The following TMEM132D variants were observed in gnomAD, a reference collection of about 807,000 sequenced individuals.
TMEM132D encodes the protein transmembrane protein 132D.
TMEM132D carries 21 observed loss-of-function variants against 62.3 expected under a neutral mutation model. The ratio of observed to expected loss-of-function variants is 0.34; its 90% CI spans 0.24 to 0.49. TMEM132D has a LOEUF of 0.49. Ranked by LOEUF, TMEM132D falls within the 20% of genes least tolerant of loss-of-function variation. The pLI is 0.99. For missense variants in TMEM132D, 1,346 were observed against 1,402.8 expected (o/e 0.96, Z 0.65); for synonymous variants, 621 against 575.6 (o/e 1.08, Z -1.13).
At chr12:129,642,788 T>C (rs1879673033) in intron 2 of TMEM132D, among the ~76,000 whole-genome samples, 1 of 152,168 alleles carries the variant, frequency 6.6e-6, no homozygotes, top group African/African-American at 2.4e-5. Flanking sequence ...AGAAAACTCT[T>C]CGCTTGGTGA....
At chr12:129,156,639 ATAAC>A (rs1877255039) in intron 5 of TMEM132D, among the ~76,000 whole-genome samples, 1 of 152,270 alleles carries the variant, frequency 6.6e-6, no homozygotes, top group East Asian at 1.9e-4. Flanking sequence ...CACTCTCATA[ATAAC>A]TAACTCACTC....
chr12:129,397,368 T>A (rs1338160660), intron 3 of TMEM132D, among the ~76,000 whole-genome samples: 1 of 152,178 alleles, frequency 6.6e-6, no homozygotes, highest in Non-Finnish European at 1.5e-5. Context: ...TTAGATTTAA[T>A]TGTGGTCTTG....
Position 129,872,882 on chromosome 12 carries a change from G to T in TMEM132D, c.79+30379C>A, listed in dbSNP as rs565377303. On this transcript the variant is annotated intron_variant, in intron 1 of 8. Coordinates refer to ENST00000422113, the MANE Select transcript of TMEM132D (RefSeq NM_133448.3). ...TAGAGCTGGGCAAGAGATTGGAAATGATGCTGTTCATACTTCACGCGAGGC... is the reference window on the plus strand; with the variant it reads ...TAGAGCTGGGCAAGAGATTGGAAATTATGCTGTTCATACTTCACGCGAGGC... 2.0e-5 allele frequency among the ~76,000 whole-genome samples: 3 copies of T among 152,316 alleles called. 1 individual carries two copies. The South Asian group carries it at 6.2e-4, about 32-fold the overall frequency.
At chr12:129,611,410 G>A (rs569043930) in intron 2 of TMEM132D, among the ~76,000 whole-genome samples, 1 of 152,280 alleles carries the variant, frequency 6.6e-6, no homozygotes, top group African/African-American at 2.4e-5. Context: ...CATTTTGAAA[G>A]GTTCTTCCTT....
intron 3 of TMEM132D, among the ~76,000 whole-genome samples, chr12:129,377,486 C>A (rs1870815187): frequency 6.6e-6 from 1 of 152,162 alleles, no homozygotes; most frequent in Non-Finnish European, 1.5e-5. Context: ...GCAATAATTT[C>A]TCCATCTCCA....
rs748840481 is a variant in TMEM132D at position 129,074,260 on chromosome 12, T to A, written c.2915A>T (p.Glu972Val). 1 of 1,614,162 alleles carries A rather than the reference T, an allele frequency of 6.2e-7. No individual in the cohort carries two copies. The highest frequency in any genetic ancestry group is 8.5e-7 in the Non-Finnish European group (1 of 1,180,028). Residue 972 changes from glutamate (E) to valine (V), a missense_variant, in exon 9 of 9, where the codon GAG (glutamate) becomes GTG (valine). Glu to Val is a moderately radical substitution (Grantham distance 121, BLOSUM62 -2). Coordinates refer to ENST00000422113, the MANE Select transcript of TMEM132D (RefSeq NM_133448.3). ...HDWVGLSNRT[E>V]LLENHINFAS... Reference sequence around the variant, plus strand: ...AAAGTTGATGTGATTCTCCAACAGCTCTGTCCGGTTGCTTAACCCAACCCA... The same window carrying A: ...AAAGTTGATGTGATTCTCCAACAGCACTGTCCGGTTGCTTAACCCAACCCA...
intron 3 of TMEM132D, among the ~76,000 whole-genome samples, chr12:129,343,990 A>G (rs1738466024): frequency 6.6e-6 from 1 of 152,174 alleles, no homozygotes; most frequent in South Asian, 2.1e-4. Context: ...AGTAATTAAG[A>G]AAACTAATCC....
intron 2 of TMEM132D, among the ~76,000 whole-genome samples, chr12:129,694,134 T>A (rs35117770): frequency 0.21 from 32,059 of 152,176 alleles, 3,960 homozygotes; most frequent in Middle Eastern, 0.28. Flanking sequence ...TAAATTCTTT[T>A]AAACTAAAAA....
In TMEM132D at chr12:129,759,837, T is replaced by G. The variant is rs138294678; in HGVS notation, c.80-59139A>C. 2.7e-3 allele frequency among the ~76,000 whole-genome samples: 407 copies of G among 152,168 alleles called. 4 individuals are homozygous for G. The highest frequency in any genetic ancestry group is 9.3e-3 in the African/African-American group (386 of 41,536). ...TCTAGAGCAGTGGGAGAATACAAGA[T>G]AAGCCATGAAAATCAGATTCTCAAG... On this transcript the variant is annotated intron_variant, in intron 1 of 8. Transcript: ENST00000422113.
intron 3 of TMEM132D, among the ~76,000 whole-genome samples, chr12:129,522,041 G>A (rs1453079863): frequency 2.0e-5 from 3 of 151,956 alleles, no homozygotes; most frequent in Non-Finnish European, 4.4e-5. Context: ...AATTTATAAC[G>A]CAAGAGCTTA....
chr12:129,639,981 C>T (rs1879599933), intron 2 of TMEM132D, among the ~76,000 whole-genome samples: 1 of 152,096 alleles, frequency 6.6e-6, no homozygotes, highest in South Asian at 2.1e-4. Flanking sequence ...GTATCAAATC[C>T]CCCAATACTA....
intron 5 of TMEM132D, among the ~76,000 whole-genome samples, chr12:129,097,406 G>C (rs1204905186): frequency 6.6e-6 from 1 of 152,152 alleles, no homozygotes; most frequent in African/African-American, 2.4e-5. Flanking sequence ...CACATTCTCT[G>C]TATGTTTCTT....
chr12:129,261,477 GCCTCCC>G (rs1880548565), intron 4 of TMEM132D, among the ~76,000 whole-genome samples: 1 of 152,092 alleles, frequency 6.6e-6, no homozygotes, highest in African/African-American at 2.4e-5. Context: ...TGATTGTGAG[GCCTCCC>G]CAGCCATGTG....
intron 5 of TMEM132D, among the ~76,000 whole-genome samples, chr12:129,140,602 G>A (rs941050811): frequency 3.3e-5 from 5 of 152,184 alleles, no homozygotes; most frequent in African/African-American, 1.2e-4. Flanking sequence ...ACTTTGGGAG[G>A]CTGAGACGGG....
intron 5 of TMEM132D, among the ~76,000 whole-genome samples, chr12:129,162,214 T>C (rs1412527160): frequency 6.6e-6 from 1 of 151,898 alleles, no homozygotes; most frequent in Admixed American, 6.6e-5. Flanking sequence ...TATATAAAAA[T>C]AAAAGAAAGG....
chr12:129,264,007 C>T (rs971856991), intron 4 of TMEM132D, among the ~76,000 whole-genome samples: 2 of 152,182 alleles, frequency 1.3e-5, no homozygotes, highest in African/African-American at 2.4e-5. Context: ...GGTCATCAGG[C>T]TCCGTACTCT....
intron 5 of TMEM132D, among the ~76,000 whole-genome samples, chr12:129,182,404 A>G (rs1878092535): frequency 6.6e-6 from 1 of 152,216 alleles, no homozygotes; most frequent in Non-Finnish European, 1.5e-5. Flanking sequence ...TAGTCATCTC[A>G]CTGCTTCACC....
chr12:129,769,135 G>A (rs904094389), intron 1 of TMEM132D, among the ~76,000 whole-genome samples: 7 of 152,136 alleles, frequency 4.6e-5, no homozygotes, highest in African/African-American at 1.4e-4. Context: ...GGGAAGGGAT[G>A]TACTCATTAG....
chr12:129,124,480 T>C (rs2135657677), intron 5 of TMEM132D, among the ~76,000 whole-genome samples: 2 of 152,334 alleles, frequency 1.3e-5, no homozygotes, highest in Middle Eastern at 6.8e-3. Flanking sequence ...ACTTCCATCC[T>C]TCCCCCATCC....
Sources: gnomAD v4.1 joint callset for allele counts (sites outside exome capture counted in the v4.1 genomes callset) on GRCh38, gnomAD v4.1.1 for gene constraint, MANE v1.5 for transcripts, NCBI Gene and HGNC (gene_info 2026-07-23, HGNC 2026-07-21) for gene names.